The following GLRA3 variants were observed in gnomAD, a reference collection of about 807,000 sequenced individuals.
GLRA3 encodes the protein glycine receptor alpha 3.
GLRA3 carries 44 observed loss-of-function variants against 60.4 expected under a neutral mutation model. That is an observed-to-expected ratio of 0.73 (90% CI 0.57 to 0.94). GLRA3 has a LOEUF of 0.94. Among genes scored for constraint, GLRA3 ranks in the 40% least tolerant of loss-of-function variants. GLRA3 has a pLI of 0.00. For synonymous variants in GLRA3, 223 were observed against 192.9 expected, an observed-to-expected ratio of 1.16 and a Z score of -1.29; for missense variants, 508 against 564.6, an observed-to-expected ratio of 0.90 and a Z score of 1.02.
intron 2 of GLRA3, among the ~76,000 whole-genome samples, chr4:174,783,722 C>T (rs1247895178): frequency 1.3e-5 from 2 of 149,284 alleles, no homozygotes; most frequent in African/African-American, 4.9e-5. Context: ...TGAAAAAATG[C>T]TCATCATCAC....
At position 174,659,177 on chromosome 4, in the gene GLRA3, A is replaced by C; in HGVS notation, c.948T>G (p.Ile316Met). Reference protein sequence around the residue: ...SLPKVSYVKAIDIWMAVCLLF... With the variant: ...SLPKVSYVKAMDIWMAVCLLF... ...GGAGGCATACTGCCATCCAAATATCAATAGCTTTGACATATGAAACCTAGC... is the reference window on the plus strand; with the variant it reads ...GGAGGCATACTGCCATCCAAATATCCATAGCTTTGACATATGAAACCTAGC... The change falls in exon 8 of 10, where the codon ATT becomes ATG. Residue 316 changes from isoleucine (I) to methionine (M), a missense_variant. By Grantham distance (10) the Ile-to-Met change is conservative. Transcript: ENST00000274093. The C allele has an allele frequency of 6.2e-7, 1 of 1,612,192 alleles. No homozygotes were observed. Among genetic ancestry groups the C allele is most frequent in the Non-Finnish European group, 8.5e-7 (1 of 1,178,890 alleles).
intron 2 of GLRA3, 87 bp from the exon 3 acceptor site, chr4:174,767,117 C>A: frequency 6.1e-6 from 4 of 660,748 alleles, no homozygotes; most frequent in East Asian, 2.7e-5. Flanking sequence ...TATTATTATT[C>A]CATTTTACAC....
At chr4:174,664,993 CA>C (rs1561041022) in intron 7 of GLRA3, among the ~76,000 whole-genome samples, 1 of 152,026 alleles carries the variant, frequency 6.6e-6, no homozygotes, top group Non-Finnish European at 1.5e-5. Context: ...CAAACACATA[CA>C]TAAGATAATT....
Position 174,747,746 on chromosome 4 carries a change from C to T in GLRA3, c.268-19048G>A, listed in dbSNP as rs184500704. 6.0e-4 allele frequency among the ~76,000 whole-genome samples: 91 copies of T among 152,164 alleles called. 1 individual carries two copies. The highest frequency in any genetic ancestry group is 1.1e-3 in the Non-Finnish European group (77 of 68,002). ...TCAATGAGATAGCAAACAGGTGAAG[C>T]AGATTTGGATATGATGAGCTCCAGG... On this transcript the variant is annotated intron_variant, in intron 3 of 9. Transcript: ENST00000274093.
At chr4:174,766,134 G>T (rs1444963926) in intron 3 of GLRA3, among the ~76,000 whole-genome samples, 1 of 151,572 alleles carries the variant, frequency 6.6e-6, no homozygotes, top group Admixed American at 6.6e-5. Context: ...TCTAATATTG[G>T]TTTTTTAAAC....
At chr4:174,787,285 A>C in intron 2 of GLRA3, among the ~76,000 whole-genome samples, 1 of 152,138 alleles carries the variant, frequency 6.6e-6, no homozygotes, top group Non-Finnish European at 1.5e-5. Context: ...CAGTTAAAAG[A>C]AAGAAATACT....
At chr4:174,776,815 C>A (rs1056370403) in intron 2 of GLRA3, among the ~76,000 whole-genome samples, 1 of 152,058 alleles carries the variant, frequency 6.6e-6, no homozygotes, top group African/African-American at 2.4e-5. Flanking sequence ...ATAGCACCTG[C>A]GTAGCAGCTT....
chr4:174,753,473 A>T (rs965824290), intron 3 of GLRA3, among the ~76,000 whole-genome samples: 3 of 152,162 alleles, frequency 2.0e-5, no homozygotes, highest in African/African-American at 7.2e-5. Context: ...CATCTTAGAG[A>T]ACACAATTCC....
At chr4:174,808,793 T>C (rs1740149311) in intron 1 of GLRA3, among the ~76,000 whole-genome samples, 1 of 152,088 alleles carries the variant, frequency 6.6e-6, no homozygotes, top group African/African-American at 2.4e-5. Context: ...AAAAAAAATT[T>C]AAATGTGAAA....
intron 9 of GLRA3, among the ~76,000 whole-genome samples, chr4:174,654,456 T>C (rs1733125072): frequency 1.3e-5 from 2 of 152,146 alleles, no homozygotes; most frequent in African/African-American, 4.8e-5. Context: ...AAACATAAAC[T>C]TGGCTAGGAT....
At chr4:174,689,533 C>A (rs1473899051) in intron 5 of GLRA3, among the ~76,000 whole-genome samples, 1 of 151,706 alleles carries the variant, frequency 6.6e-6, no homozygotes, top group Non-Finnish European at 1.5e-5. Flanking sequence ...AAATAATGTA[C>A]ATTATATCCA....
At chr4:174,660,297 C>T (rs916214010) in intron 7 of GLRA3, among the ~76,000 whole-genome samples, 7 of 152,124 alleles carry the variant, frequency 4.6e-5, no homozygotes, top group African/African-American at 1.4e-4. Flanking sequence ...TGATCATGTG[C>T]TGCATTTTGT....
chr4:174,644,922 C>T (rs1196932019), intron 9 of GLRA3, among the ~76,000 whole-genome samples: 1 of 148,660 alleles, frequency 6.7e-6, no homozygotes, highest in African/African-American at 2.4e-5. Flanking sequence ...TATTTAATAA[C>T]AATGCAAATT....
chr4:174,651,891 C>T lies in GLRA3; in HGVS notation c.1116+4852G>A, dbSNP rs576455625. On this transcript the variant is annotated intron_variant, in intron 9 of 9. Transcript: ENST00000274093. ...AGGCATGTGGAGTCATATCAGACCC[C>T]TTTCAGAAACAGGATCTCAACTCTG... is the stretch of plus-strand genomic sequence containing the variant. Among the ~76,000 whole-genome samples, 32 of 152,206 alleles carry T rather than the reference C, an allele frequency of 2.1e-4. No homozygotes were observed. The South Asian group carries it at 3.3e-3, about 16-fold the overall frequency.
intron 1 of GLRA3, among the ~76,000 whole-genome samples, chr4:174,808,287 A>G (rs1740128705): frequency 6.6e-6 from 1 of 152,134 alleles, no homozygotes; most frequent in African/African-American, 2.4e-5. Context: ...GTCAGACTGC[A>G]TGCAGAATTG....
chr4:174,754,997 G>T (rs1021940298), intron 3 of GLRA3, among the ~76,000 whole-genome samples: 2 of 152,056 alleles, frequency 1.3e-5, no homozygotes, highest in African/African-American at 4.8e-5. Flanking sequence ...AAAAAGCCAA[G>T]TTCATTAAGG....
intron 3 of GLRA3, among the ~76,000 whole-genome samples, chr4:174,765,888 A>G (rs866334654): frequency 6.6e-6 from 1 of 151,956 alleles, no homozygotes; most frequent in African/African-American, 2.4e-5. Context: ...CTAACTTTGA[A>G]TAGAATCACA....
At chr4:174,780,437 T>C (rs1183691410) in intron 2 of GLRA3, among the ~76,000 whole-genome samples, 1 of 149,630 alleles carries the variant, frequency 6.7e-6, no homozygotes, top group Non-Finnish European at 1.5e-5. Flanking sequence ...AACATCATAA[T>C]GACAGGATCA....
At chr4:174,713,242 CA>C (rs1735789581) in intron 5 of GLRA3, among the ~76,000 whole-genome samples, 2 of 151,934 alleles carry the variant, frequency 1.3e-5, no homozygotes, top group Non-Finnish European at 2.9e-5. Context: ...AATTAAGAAA[CA>C]AAGGGGAAAG....
Sources: gnomAD v4.1 joint callset for allele counts (sites outside exome capture counted in the v4.1 genomes callset) on GRCh38, gnomAD v4.1.1 for gene constraint, MANE v1.5 for transcripts, NCBI Gene and HGNC (gene_info 2026-07-23, HGNC 2026-07-21) for gene names.